Variants in GALNTL6 observed in about 807,000 individuals in gnomAD.
The protein encoded by GALNTL6 is polypeptide N-acetylgalactosaminyltransferase like 6.
GALNTL6 carries 46 observed loss-of-function variants against 73.7 expected under a neutral mutation model. The ratio of observed to expected loss-of-function variants is 0.62; its 90% CI spans 0.49 to 0.80. GALNTL6 has a LOEUF of 0.80. GALNTL6 is among the 30% of genes least tolerant of loss of function. The pLI, the probability that GALNTL6 is intolerant of heterozygous loss-of-function variation, is 0.00. For synonymous variants in GALNTL6, 259 were observed against 263.7 expected (o/e 0.98, Z 0.17); for missense variants, 604 against 755.0 (o/e 0.80, Z 2.34).
intron 2 of GALNTL6, among the ~76,000 whole-genome samples, chr4:172,194,470 A>G (rs969342435): frequency 5.3e-5 from 8 of 152,224 alleles, no homozygotes; most frequent in African/African-American, 1.2e-4. Flanking sequence ...AGGATAATCC[A>G]TAAGAAGATC....
At chr4:172,518,911 T>C (rs1012570188) in intron 5 of GALNTL6, among the ~76,000 whole-genome samples, 1 of 151,874 alleles carries the variant, frequency 6.6e-6, no homozygotes, top group Non-Finnish European at 1.5e-5. Context: ...TTTTCTAAAC[T>C]ATTTTCCTAT....
chr4:171,987,402 T>C (rs1740134338), intron 2 of GALNTL6, among the ~76,000 whole-genome samples: 1 of 152,112 alleles, frequency 6.6e-6, no homozygotes, highest in South Asian at 2.1e-4. Flanking sequence ...ACTGAGGAAT[T>C]ATGTCTGACA....
intron 7 of GALNTL6, among the ~76,000 whole-genome samples, chr4:172,827,311 C>T (rs1742320925): frequency 6.6e-6 from 1 of 152,150 alleles, no homozygotes; most frequent in Non-Finnish European, 1.5e-5. Flanking sequence ...TCATCTGGTC[C>T]CTTCCCTCCA....
chr4:173,039,854 T>C (rs1414460334), intron 12 of GALNTL6, 79 bp from the exon 13 acceptor site: 3 of 1,047,014 alleles, frequency 2.9e-6, no homozygotes, highest in South Asian at 1.6e-5. Context: ...AACAGAAATA[T>C]CTTACTTCTG....
At chr4:172,725,794 T>C (rs1735760480) in intron 5 of GALNTL6, among the ~76,000 whole-genome samples, 1 of 152,210 alleles carries the variant, frequency 6.6e-6, no homozygotes, top group East Asian at 1.9e-4. Flanking sequence ...CATGCTTCTA[T>C]GATGTGCCAC....
chr4:171,879,569 T>A (rs1414518327), intron 2 of GALNTL6, among the ~76,000 whole-genome samples: 1 of 152,176 alleles, frequency 6.6e-6, no homozygotes, highest in African/African-American at 2.4e-5. Context: ...ATGAATATGA[T>A]TAGACAATTC....
At chr4:172,878,279 T>C (rs1745289066) in intron 7 of GALNTL6, among the ~76,000 whole-genome samples, 2 of 151,932 alleles carry the variant, frequency 1.3e-5, no homozygotes, top group Non-Finnish European at 2.9e-5. Flanking sequence ...TACATCACAA[T>C]TTAAATTTTC....
In GALNTL6 at chr4:172,632,191, G is replaced by T. The variant is rs547323107; in HGVS notation, c.554-177170G>T. Among the ~76,000 whole-genome samples the T allele has an allele frequency of 7.2e-5, 11 of 152,316 alleles. No individual in the cohort carries two copies. The South Asian group carries it at 2.3e-3, about 32-fold the overall frequency. ...CAGCATAAGAACAGACTAATACAGT[G>T]AATTGTTACCAATAGAGTGGGGTGC... On this transcript the variant is annotated intron_variant, in intron 5 of 12. Transcript: ENST00000506823.
chr4:172,151,271 T>C (rs1734079460), intron 2 of GALNTL6, among the ~76,000 whole-genome samples: 1 of 152,104 alleles, frequency 6.6e-6, no homozygotes, highest in African/African-American at 2.4e-5. Context: ...CTCCAACTCA[T>C]CAGTAAAGAA....
At chr4:172,465,218 C>G (rs992254798) in intron 5 of GALNTL6, among the ~76,000 whole-genome samples, 1 of 152,160 alleles carries the variant, frequency 6.6e-6, no homozygotes, top group African/African-American at 2.4e-5. Flanking sequence ...TGGCTCACGC[C>G]TGTAATCCCA....
At chr4:171,978,158 A>G (rs1422706710) in intron 2 of GALNTL6, among the ~76,000 whole-genome samples, 1 of 152,206 alleles carries the variant, frequency 6.6e-6, no homozygotes, top group Non-Finnish European at 1.5e-5. Flanking sequence ...GCATTAAAAT[A>G]TCAAGAAGAA....
At chr4:172,191,958 A>G (rs1735601056) in intron 2 of GALNTL6, among the ~76,000 whole-genome samples, 1 of 151,984 alleles carries the variant, frequency 6.6e-6, no homozygotes, top group African/African-American at 2.4e-5. Context: ...TTACATGCAT[A>G]ATAAATAATT....
chr4:171,974,710 C>T (rs1739669002), intron 2 of GALNTL6, among the ~76,000 whole-genome samples: 2 of 151,862 alleles, frequency 1.3e-5, no homozygotes, highest in Admixed American at 6.6e-5. Flanking sequence ...CTTAAGCATA[C>T]ATTTAAGCAA....
chr4:173,026,036 T>C (rs1201618500), intron 12 of GALNTL6, among the ~76,000 whole-genome samples: 3 of 152,222 alleles, frequency 2.0e-5, no homozygotes, highest in African/African-American at 7.2e-5. Context: ...ACAGTTGTTA[T>C]CCCTCCAAAA....
At chr4:172,133,998 G>C (rs548435393) in intron 2 of GALNTL6, among the ~76,000 whole-genome samples, 1 of 152,284 alleles carries the variant, frequency 6.6e-6, no homozygotes, top group East Asian at 1.9e-4. Flanking sequence ...ATTCTGACAA[G>C]TCCTCAGAAA....
chr4:172,630,196 A>G (rs1347888821), intron 5 of GALNTL6, among the ~76,000 whole-genome samples: 3 of 152,198 alleles, frequency 2.0e-5, no homozygotes, highest in African/African-American at 7.2e-5. Flanking sequence ...CCACACCTAA[A>G]AAGAGAAAAC....
intron 5 of GALNTL6, among the ~76,000 whole-genome samples, chr4:172,699,097 T>C (rs1482000510): frequency 6.6e-6 from 1 of 152,148 alleles, no homozygotes; most frequent in Non-Finnish European, 1.5e-5. Flanking sequence ...TGCTTCCACA[T>C]GGTGGAAGGG....
intron 2 of GALNTL6, among the ~76,000 whole-genome samples, chr4:172,227,592 T>G (rs966093817): frequency 5.3e-5 from 8 of 152,166 alleles, no homozygotes; most frequent in African/African-American, 1.9e-4. Flanking sequence ...TGTCCCCAGT[T>G]TTTACACATT....
At chr4:172,924,858 T>C (rs1747966199) in intron 8 of GALNTL6, among the ~76,000 whole-genome samples, 1 of 152,088 alleles carries the variant, frequency 6.6e-6, no homozygotes, top group Non-Finnish European at 1.5e-5. Flanking sequence ...TGCTCAGATT[T>C]ATGTTTTTTA....
Sources: gnomAD v4.1 joint callset for allele counts (sites outside exome capture counted in the v4.1 genomes callset) on GRCh38, gnomAD v4.1.1 for gene constraint, MANE v1.5 for transcripts, NCBI Gene and HGNC (gene_info 2026-07-23, HGNC 2026-07-21) for gene names.